The following KDM4C variants were observed in gnomAD, a reference collection of about 807,000 sequenced individuals.
The protein encoded by KDM4C is lysine-specific demethylase 4C.
Under a neutral mutation model 129.3 loss-of-function variants are expected in KDM4C, and 81 were observed. The ratio of observed to expected loss-of-function variants is 0.63; its 90% CI spans 0.52 to 0.75. The LOEUF is 0.75. Ranked by LOEUF, KDM4C falls within the 30% of genes least tolerant of loss-of-function variation. KDM4C has a pLI of 0.00. For missense variants in KDM4C, 1,457 were observed against 1,304.0 expected, an observed-to-expected ratio of 1.12 and a Z score of -1.81; for synonymous variants, 573 against 456.1, an observed-to-expected ratio of 1.26 and a Z score of -3.26.
intron 4 of KDM4C, among the ~76,000 whole-genome samples, chr9:6,823,191 A>G (rs779274736): frequency 1.3e-5 from 2 of 152,184 alleles, no homozygotes; most frequent in Non-Finnish European, 2.9e-5. Context: ...GAGCGGTGAC[A>G]CATAGCTCCT....
At chr9:6,824,611 CG>C (rs1462990054) in intron 4 of KDM4C, among the ~76,000 whole-genome samples, 1 of 145,792 alleles carries the variant, frequency 6.9e-6, no homozygotes, top group Non-Finnish European at 1.5e-5. Flanking sequence ...TAAGGCCGGG[CG>C]TGGTGGCTCA....
intron 15 of KDM4C, among the ~76,000 whole-genome samples, chr9:7,045,785 C>A (rs530673973): frequency 4.6e-5 from 7 of 152,126 alleles, no homozygotes; most frequent in African/African-American, 1.4e-4. Context: ...TTATTACTGC[C>A]TAACAAAAGT....
intron 10 of KDM4C, among the ~76,000 whole-genome samples, chr9:6,984,624 C>CG (rs1563932203): frequency 6.6e-6 from 1 of 151,778 alleles, no homozygotes; most frequent in Admixed American, 6.6e-5. Context: ...AAGCAGTCAG[C>CG]AGTGCCTATT....
At chr9:6,839,424 G>C (rs528847139) in intron 4 of KDM4C, among the ~76,000 whole-genome samples, 2 of 138,014 alleles carry the variant, frequency 1.4e-5, no homozygotes, top group Non-Finnish European at 3.1e-5. Flanking sequence ...TTTTCTGGTA[G>C]AGATAGGGTC....
At chr9:7,054,427 A>G (rs944636843) in intron 17 of KDM4C, among the ~76,000 whole-genome samples, 2 of 152,230 alleles carry the variant, frequency 1.3e-5, no homozygotes, top group Non-Finnish European at 2.9e-5. Flanking sequence ...GGGAACATAG[A>G]GATATATAAA....
intron 8 of KDM4C, among the ~76,000 whole-genome samples, chr9:6,907,549 G>C (rs1036969289): frequency 6.6e-5 from 10 of 152,228 alleles, no homozygotes; most frequent in African/African-American, 1.9e-4. Context: ...TATTTAACTT[G>C]TAGCCAAAAC....
intron 15 of KDM4C, among the ~76,000 whole-genome samples, chr9:7,019,153 T>G (rs1047677883): frequency 3.3e-5 from 5 of 152,244 alleles, no homozygotes; most frequent in African/African-American, 1.2e-4. Context: ...TATTCTGACT[T>G]TAACCCTCTG....
intron 5 of KDM4C, among the ~76,000 whole-genome samples, chr9:6,877,586 G>A (rs1843760017): frequency 6.6e-6 from 1 of 152,144 alleles, no homozygotes; most frequent in African/African-American, 2.4e-5. Flanking sequence ...GGGCTTTATT[G>A]ACAGAGTGAG....
chr9:7,026,873 C>G (rs1277629227), intron 15 of KDM4C, among the ~76,000 whole-genome samples: 2 of 151,956 alleles, frequency 1.3e-5, no homozygotes, highest in African/African-American at 4.8e-5. Context: ...TCTGTCCTTA[C>G]AAGACTTTGA....
chr9:7,031,184 A>G (rs1265624931), intron 15 of KDM4C, among the ~76,000 whole-genome samples: 1 of 143,342 alleles, frequency 7.0e-6, no homozygotes, highest in Non-Finnish European at 1.5e-5. Context: ...ATGTTTTGAG[A>G]TGGAGTCTGG....
At chr9:6,979,981 A>C (rs1816484555) in intron 8 of KDM4C, among the ~76,000 whole-genome samples, 1 of 152,034 alleles carries the variant, frequency 6.6e-6, no homozygotes, top group Admixed American at 6.6e-5. Flanking sequence ...CTGTGGTGGG[A>C]GTTTGGGTTT....
At chr9:6,929,471 CTTTTTTT>C (rs59537472) in intron 8 of KDM4C, among the ~76,000 whole-genome samples, 2,192 of 127,554 alleles carry the variant, frequency 0.017, 49 homozygotes, top group African/African-American at 0.052. Context: ...TTGACTTTTT[CTTTTTTT>C]TTTTTTTTTT....
chr9:7,138,459 T>C (rs1038963688), intron 19 of KDM4C, among the ~76,000 whole-genome samples: 4 of 152,178 alleles, frequency 2.6e-5, no homozygotes, highest in African/African-American at 9.7e-5. Context: ...ATATGCATAG[T>C]TTTCAGATCA....
chr9:6,736,600 C>G lies in KDM4C; in HGVS notation c.49+15603C>G, dbSNP rs576726798. 7.2e-5 allele frequency among the ~76,000 whole-genome samples: 11 copies of G among 152,118 alleles called. No homozygotes were observed. In the East Asian group the frequency reaches 1.4e-3, roughly 19 times the overall value. On this transcript the variant is annotated intron_variant, in intron 1 of 17. Coordinates refer to the KDM4C transcript ENST00000536108. The stretch of plus-strand genomic sequence containing the variant: ...GTTGAGCCTATGGGTGCACAGAAGT[C>G]AAGAATTGAGGTTTGGGAACCTCAA...
intron 18 of KDM4C, among the ~76,000 whole-genome samples, chr9:7,108,537 T>C (rs902820764): frequency 6.6e-6 from 1 of 152,166 alleles, no homozygotes; most frequent in Non-Finnish European, 1.5e-5. Flanking sequence ...GCGCCCAGCC[T>C]GAATGCTTTT....
intron 6 of KDM4C, among the ~76,000 whole-genome samples, chr9:6,884,904 ACTT>A (rs1845024998): frequency 6.6e-6 from 1 of 152,224 alleles, no homozygotes; most frequent in South Asian, 2.1e-4. Context: ...AGTATAGAGA[ACTT>A]CTCATTTGAA....
intron 18 of KDM4C, 132 bp from the exon 19 acceptor site, chr9:7,127,934 T>A: frequency 1.3e-6 from 1 of 766,678 alleles, no homozygotes; most frequent in African/African-American, 1.8e-5. Flanking sequence ...TCTTCAATAT[T>A]AAGTTAAAAA....
intron 11 of KDM4C, among the ~76,000 whole-genome samples, chr9:6,989,806 G>T (rs907241973): frequency 6.6e-6 from 1 of 152,078 alleles, no homozygotes; most frequent in Admixed American, 6.6e-5. Context: ...ACAGGGTCTT[G>T]CCCTGTCACC....
chr9:6,955,538 A>G (rs954165122), intron 8 of KDM4C, among the ~76,000 whole-genome samples: 1 of 152,190 alleles, frequency 6.6e-6, no homozygotes, highest in Admixed American at 6.5e-5. Context: ...TGTTGCCTGC[A>G]TATTTGCATG....
Sources: allele counts gnomAD v4.1 joint callset (sites outside exome capture counted in the v4.1 genomes callset), GRCh38; gene constraint gnomAD v4.1.1; transcripts MANE v1.5; gene names NCBI Gene and HGNC (gene_info 2026-07-23, HGNC 2026-07-21).